Variants in TMCO6 observed in about 807,000 individuals in gnomAD.
TMCO6 encodes the protein transmembrane and coiled-coil domains 6.
TMCO6 carries 47 observed loss-of-function variants against 61.8 expected under a neutral mutation model. The ratio of observed to expected loss-of-function variants is 0.76; its 90% confidence interval spans 0.60 to 0.97. The LOEUF is 0.97. Ranked by LOEUF, TMCO6 falls within the 50% of genes least tolerant of loss-of-function variation. TMCO6 has a pLI of 0.00. For missense variants in TMCO6, 557 were observed against 601.6 expected (o/e 0.93, Z 0.78); for synonymous variants, 261 against 254.2 (o/e 1.03, Z -0.25).
At chr5:140,625,010 C>T in the TMCO6 span, among the ~76,000 whole-genome samples, 4 of 151,942 alleles carry the variant, frequency 2.6e-5, no homozygotes, top group Non-Finnish European at 2.9e-5. Flanking sequence ...CTTGGCACCG[C>T]GCCTGGCTAA....
chr5:140,639,821 A>AT lies in TMCO6; in HGVS notation c.169dup (p.Cys57LeufsTer42). 1 of 1,609,438 alleles carries AT rather than the reference A, an allele frequency of 6.2e-7. No individual in the cohort carries two copies. The highest frequency in any genetic ancestry group is 8.5e-7 in the Non-Finnish European group (1 of 1,178,542). On this transcript the variant is annotated frameshift_variant, in exon 2 of 12. Coordinates refer to ENST00000394671, the MANE Select transcript of TMCO6 (RefSeq NM_018502.5). LOFTEE classifies it high-confidence loss of function. ...ACGCCCCAGAGGAAGCTGGAGAGGG[A>AT]TGTGTGGCTGCGATCCTCGGGGAAA...
intron 6 of TMCO6, 65 bp downstream of exon 6, chr5:140,642,736 G>C (rs1408302851): frequency 3.7e-5 from 59 of 1,587,860 alleles, no homozygotes; most frequent in Non-Finnish European, 5.1e-5. Flanking sequence ...GCTCCCGGAT[G>C]CCTGAATGAT....
intron 4 of TMCO6, 50 bp downstream of exon 4, chr5:140,642,103 T>G: frequency 6.4e-7 from 1 of 1,573,582 alleles, no homozygotes; most frequent in South Asian, 1.1e-5. Flanking sequence ...TTTAAAATTG[T>G]GCTTTTGGGA....
the TMCO6 span, among the ~76,000 whole-genome samples, chr5:140,616,887 A>G: frequency 6.6e-6 from 1 of 151,942 alleles, no homozygotes; most frequent in Non-Finnish European, 1.5e-5. Context: ...TCTACAAAAA[A>G]TAAATGTTAG....
intron 7 of TMCO6, chr5:140,643,300 G>A (rs973042986): frequency 1.4e-4 from 82 of 590,686 alleles, no homozygotes; most frequent in Admixed American, 2.4e-4. Flanking sequence ...GGGTTCAAGC[G>A]ATTCTCCTGC....
chr5:140,639,429 T>A, upstream of TMCO6: 1 of 1,300,842 alleles, frequency 7.7e-7, no homozygotes, highest in Non-Finnish European at 1.1e-6. Context: ...CCCCGCCTGT[T>A]CCCGCCCTGT....
the TMCO6 span, among the ~76,000 whole-genome samples, chr5:140,597,335 A>T: frequency 1.3e-5 from 2 of 151,590 alleles, no homozygotes; most frequent in Non-Finnish European, 2.9e-5. Flanking sequence ...GGTAGATGTA[A>T]TATGAAATAT....
chr5:140,623,942 T>C, the TMCO6 span, among the ~76,000 whole-genome samples: 394 of 152,234 alleles, frequency 2.6e-3, 1 homozygote, highest in African/African-American at 9.0e-3. Flanking sequence ...CTTCAAAAAA[T>C]GCGCATAATT....
chr5:140,597,172 G>A, the TMCO6 span, among the ~76,000 whole-genome samples: 1 of 152,182 alleles, frequency 6.6e-6, no homozygotes, highest in African/African-American at 2.4e-5. Flanking sequence ...AACAGATACA[G>A]CAATAGTACC....
At chr5:140,611,397 T>C in the TMCO6 span, among the ~76,000 whole-genome samples, 1 of 152,222 alleles carries the variant, frequency 6.6e-6, no homozygotes, top group East Asian at 1.9e-4. Context: ...CTGGGGCCTA[T>C]TGTATGAGTG....
chr5:140,619,889 CA>C, the TMCO6 span, among the ~76,000 whole-genome samples: 1 of 152,170 alleles, frequency 6.6e-6, no homozygotes, highest in South Asian at 2.1e-4. Flanking sequence ...GTACTGACAA[CA>C]ACAAATGCTG....
chr5:140,624,870 T>G, the TMCO6 span, among the ~76,000 whole-genome samples: 1 of 148,500 alleles, frequency 6.7e-6, no homozygotes, highest in Non-Finnish European at 1.5e-5. Context: ...TTTTTTTTTT[T>G]TTGAGATGGA....
downstream of TMCO6, among the ~76,000 whole-genome samples, chr5:140,645,933 C>G (rs1456914675): frequency 6.6e-6 from 1 of 151,630 alleles, no homozygotes; most frequent in African/African-American, 2.4e-5. Flanking sequence ...TTCGGGGGCA[C>G]TGTAGGCATT....
At chr5:140,643,133 A>T (rs1021228414) in intron 7 of TMCO6, 92 bp downstream of exon 7, 60 of 1,562,748 alleles carry the variant, frequency 3.8e-5, no homozygotes, top group Non-Finnish European at 5.1e-5. Context: ...GAATTGCTAT[A>T]GTGAGTTTTC....
chr5:140,634,235 C>T, the TMCO6 span, among the ~76,000 whole-genome samples: 1 of 152,124 alleles, frequency 6.6e-6, no homozygotes, highest in Non-Finnish European at 1.5e-5. Context: ...CTCTCCTGCC[C>T]TCCCCTCAGT....
upstream of TMCO6, among the ~76,000 whole-genome samples, chr5:140,635,259 A>G (rs1756742446): frequency 1.3e-5 from 2 of 152,234 alleles, no homozygotes; most frequent in African/African-American, 2.4e-5. Context: ...CCTGAGGACC[A>G]AGATATGATT....
chr5:140,621,761 T>G, the TMCO6 span, among the ~76,000 whole-genome samples: 3 of 152,168 alleles, frequency 2.0e-5, no homozygotes, highest in African/African-American at 7.2e-5. Context: ...AGAAAGAGAA[T>G]GCACACCTGG....
the TMCO6 span, among the ~76,000 whole-genome samples, chr5:140,611,853 C>T: frequency 6.6e-6 from 1 of 152,100 alleles, no homozygotes; most frequent in African/African-American, 2.4e-5. Context: ...TTTTAGATAG[C>T]CTAAAAGATT....
upstream of TMCO6, among the ~76,000 whole-genome samples, chr5:140,635,440 T>G (rs1381864666): frequency 2.6e-5 from 4 of 152,236 alleles, no homozygotes; most frequent in Non-Finnish European, 4.4e-5. Flanking sequence ...ACTAGTCTTC[T>G]TTCTCAGAGT....
Sources: allele counts gnomAD v4.1 joint callset (sites outside exome capture counted in the v4.1 genomes callset), GRCh38; gene constraint gnomAD v4.1.1; transcripts MANE v1.5; gene names NCBI Gene and HGNC (gene_info 2026-07-23, HGNC 2026-07-21).